The following RAP1GAP2 variants were observed in gnomAD, a reference collection of about 807,000 sequenced individuals.
The protein encoded by RAP1GAP2 is RAP1 GTPase activating protein 2.
RAP1GAP2 carries 27 observed loss-of-function variants against 95.0 expected under a neutral mutation model. The ratio of observed to expected loss-of-function variants is 0.28; its 90% CI spans 0.21 to 0.39. RAP1GAP2 has a LOEUF of 0.39. Among genes scored for constraint, RAP1GAP2 ranks in the 10% least tolerant of loss-of-function variants. The pLI is 1.00. For synonymous variants in RAP1GAP2, 373 were observed against 380.9 expected, an observed-to-expected ratio of 0.98 and a Z score of 0.24; for missense variants, 771 against 970.0, an observed-to-expected ratio of 0.79 and a Z score of 2.72.
In RAP1GAP2 at chr17:2,825,631, G is replaced by C. The variant is rs777899386; in HGVS notation, c.80+25081G>C. On this transcript the variant is annotated intron_variant, in intron 2 of 24. Transcript: ENST00000254695. The surrounding 1 kb of genome is among the most constrained non-coding windows in gnomAD (Gnocchi z 4.1). Reference sequence around the variant, plus strand: ...TTTCCCATCCGGAAAGTGAAGATAAGGAGCGTCCCTGTCTCACAGGGATGT... The same window carrying C: ...TTTCCCATCCGGAAAGTGAAGATAACGAGCGTCCCTGTCTCACAGGGATGT... Among the ~76,000 whole-genome samples, 1 of 152,112 alleles carries C rather than the reference G, an allele frequency of 6.6e-6. No individual in the cohort carries two copies. The highest frequency in any genetic ancestry group is 1.5e-5 in the Non-Finnish European group (1 of 68,040).
chr17:2,799,277 C>G (rs2151476995), intron 1 of RAP1GAP2, among the ~76,000 whole-genome samples: 1 of 152,258 alleles, frequency 6.6e-6, no homozygotes, highest in African/African-American at 2.4e-5. Flanking sequence ...GTAGTGGAAG[C>G]CCTAAGGAAG....
chr17:2,997,219 C>T (rs1175607718), intron 13 of RAP1GAP2, among the ~76,000 whole-genome samples: 2 of 152,148 alleles, frequency 1.3e-5, no homozygotes, highest in East Asian at 1.9e-4. Flanking sequence ...ATCCCACCTA[C>T]GCCAAGCTGG....
chr17:2,985,092 A>G, intron 11 of RAP1GAP2, 26 bp downstream of exon 11: 3 of 1,613,194 alleles, frequency 1.9e-6, no homozygotes, highest in Non-Finnish European at 2.5e-6. Context: ...CATACCGGTG[A>G]CTGTATCCCG....
At chr17:2,991,514 T>C in intron 12 of RAP1GAP2, 117 bp downstream of exon 12, 3 of 770,986 alleles carry the variant, frequency 3.9e-6, no homozygotes, top group Non-Finnish European at 6.4e-6. Context: ...AAATGAGGGA[T>C]GGCTTTTCAG....
intron 3 of RAP1GAP2, among the ~76,000 whole-genome samples, chr17:2,932,724 G>A (rs932549568): frequency 6.1e-5 from 9 of 147,380 alleles, no homozygotes; most frequent in African/African-American, 2.3e-4. Flanking sequence ...GCTGAGGCAC[G>A]AGAATCACTT....
At chr17:2,756,862 G>C (rs1364054773) in intron 1 of RAP1GAP2, among the ~76,000 whole-genome samples, 1 of 152,160 alleles carries the variant, frequency 6.6e-6, no homozygotes, top group Non-Finnish European at 1.5e-5. Flanking sequence ...AAGGATTCAA[G>C]GTCACCCAAC....
At chr17:2,913,822 G>A (rs887144677) in intron 3 of RAP1GAP2, among the ~76,000 whole-genome samples, 6 of 152,126 alleles carry the variant, frequency 3.9e-5, no homozygotes, top group African/African-American at 4.8e-5. Context: ...CCCTTGAGGA[G>A]CAAACAGTGT....
rs570990550 is a variant in RAP1GAP2 at position 2,826,285 on chromosome 17, A to G, written c.80+25735A>G. Among the ~76,000 whole-genome samples, 9 of 151,272 alleles carry G rather than the reference A, an allele frequency of 5.9e-5. No individual in the cohort carries two copies. The East Asian group carries it at 9.8e-4, about 16-fold the overall frequency. Reference sequence around the variant, plus strand: ...GCTGGGATTACAGGCGTGAGCCACCATGCCTGGCCTGCAGGGGGCATTTCA... The same window carrying G: ...GCTGGGATTACAGGCGTGAGCCACCGTGCCTGGCCTGCAGGGGGCATTTCA... On this transcript the variant is annotated intron_variant, in intron 2 of 24. Coordinates refer to ENST00000254695, the MANE Select transcript of RAP1GAP2 (RefSeq NM_015085.5).
intron 4 of RAP1GAP2, among the ~76,000 whole-genome samples, chr17:2,959,593 C>A (rs1828887661): frequency 6.6e-6 from 1 of 152,174 alleles, no homozygotes; most frequent in Admixed American, 6.5e-5. Context: ...GAAACTGAAG[C>A]TCAGAGCAGT....
intron 1 of RAP1GAP2, 53 bp from the exon 2 acceptor site, chr17:2,800,462 G>A (rs553834343): frequency 2.5e-6 from 4 of 1,587,692 alleles, no homozygotes; most frequent in African/African-American, 1.3e-5. Context: ...CAGATGCTAT[G>A]TAGGAGTCTT....
chr17:2,885,686 C>T (rs1287680752), intron 2 of RAP1GAP2, among the ~76,000 whole-genome samples: 3 of 152,226 alleles, frequency 2.0e-5, no homozygotes, highest in African/African-American at 7.2e-5. Flanking sequence ...TTCTGGCTGG[C>T]CTAGGAATGG....
At chr17:2,853,895 C>A (rs1019665875) in intron 2 of RAP1GAP2, 1 of 976,764 alleles carries the variant, frequency 1.0e-6, no homozygotes, top group African/African-American at 1.8e-5. Context: ...AGGCGGAGGC[C>A]GGGGGCCGGG....
intron 3 of RAP1GAP2, among the ~76,000 whole-genome samples, chr17:2,905,701 G>C (rs1567763299): frequency 6.6e-6 from 1 of 152,232 alleles, no homozygotes; most frequent in Admixed American, 6.5e-5. Context: ...ACTGCCTGGG[G>C]CTGGGCTGTG....
At chr17:2,949,555 A>G (rs533172870) in intron 3 of RAP1GAP2, among the ~76,000 whole-genome samples, 4 of 151,512 alleles carry the variant, frequency 2.6e-5, no homozygotes, top group African/African-American at 7.3e-5. Context: ...GTATGCCCTG[A>G]GCATTAACTG....
intron 3 of RAP1GAP2, among the ~76,000 whole-genome samples, chr17:2,917,692 A>ACTGTGC (rs1375972360): frequency 6.6e-6 from 1 of 151,896 alleles, no homozygotes; most frequent in African/African-American, 2.4e-5. Context: ...GGTGTGAGCC[A>ACTGTGC]CTGTGCCTGG....
intron 2 of RAP1GAP2, among the ~76,000 whole-genome samples, chr17:2,837,895 C>T (rs927349529): frequency 2.7e-5 from 4 of 147,248 alleles, no homozygotes; most frequent in Non-Finnish European, 3.0e-5. Flanking sequence ...GGTGAGCCAC[C>T]GCACCCGGTC....
chr17:2,969,181 A>ATATATATATATATCTATC (rs2044746501), intron 8 of RAP1GAP2, among the ~76,000 whole-genome samples: 1 of 147,006 alleles, frequency 6.8e-6, no homozygotes, highest in South Asian at 2.2e-4. Flanking sequence ...CTATCTATCT[A>ATATATATATATATCTATC]TATATATATA....
chr17:2,941,628 G>A (rs1164778511), intron 3 of RAP1GAP2, among the ~76,000 whole-genome samples: 2 of 151,302 alleles, frequency 1.3e-5, no homozygotes, highest in Non-Finnish European at 2.9e-5. Context: ...AGGATTGGAT[G>A]TGGAGGATGA....
intron 4 of RAP1GAP2, among the ~76,000 whole-genome samples, chr17:2,961,892 T>A (rs1234458132): frequency 2.1e-4 from 5 of 23,944 alleles, no homozygotes; most frequent in African/African-American, 4.6e-4. Flanking sequence ...CCCTAAGGAT[T>A]TTTTTTTTTT....
Sources: gnomAD v4.1 joint callset for allele counts (sites outside exome capture counted in the v4.1 genomes callset) on GRCh38, gnomAD v4.1.1 for gene constraint, Gnocchi (gnomAD v3.1) non-coding constraint, MANE v1.5 for transcripts, NCBI Gene and HGNC (gene_info 2026-07-23, HGNC 2026-07-21) for gene names.